UGGT1: variants seen among roughly 807,000 people sequenced by gnomAD.
The protein encoded by UGGT1 is UDP-glucose glycoprotein glucosyltransferase 1.
In UGGT1, 107 loss-of-function variants were observed where a neutral mutation model predicts 203.9. The ratio of observed to expected loss-of-function variants is 0.52; its 90% CI spans 0.45 to 0.62. The LOEUF (loss-of-function observed/expected upper bound fraction) is 0.62. Among genes scored for constraint, UGGT1 ranks in the 20% least tolerant of loss-of-function variants. UGGT1 has a pLI of 0.00. For synonymous variants in UGGT1, 628 were observed against 653.5 expected (o/e 0.96, Z 0.59); for missense variants, 1,673 against 1,867.2 (o/e 0.90, Z 1.92).
At chr2:128,112,586 CG>C (rs1255963294) in intron 5 of UGGT1, among the ~76,000 whole-genome samples, 14 of 38,118 alleles carry the variant, frequency 3.7e-4, no homozygotes, top group Admixed American at 8.3e-4. Flanking sequence ...TTATTTTATT[CG>C]TTTTTTTTTT....
At chr2:128,169,453 T>C (rs1409308982) in intron 26 of UGGT1, among the ~76,000 whole-genome samples, 17 of 152,220 alleles carry the variant, frequency 1.1e-4, no homozygotes, top group Admixed American at 1.0e-3. Flanking sequence ...AATTTATTTT[T>C]TGGCCTTGTA....
At chr2:128,122,730 T>C (rs568285789) in intron 10 of UGGT1, among the ~76,000 whole-genome samples, 1 of 152,326 alleles carries the variant, frequency 6.6e-6, no homozygotes, top group Non-Finnish European at 1.5e-5. Context: ...AGATATTTTA[T>C]AACTAAGTTT....
chr2:128,134,999 G>A (rs1689069354), intron 15 of UGGT1, 38 bp downstream of exon 15: 1 of 1,553,636 alleles, frequency 6.4e-7, no homozygotes, highest in African/African-American at 1.4e-5. Context: ...ATCTAATTTA[G>A]CTGAGGTTTT....
At chr2:128,144,350 T>C (rs1175291174) in intron 17 of UGGT1, among the ~76,000 whole-genome samples, 1 of 152,244 alleles carries the variant, frequency 6.6e-6, no homozygotes, top group Non-Finnish European at 1.5e-5. Context: ...TTTGGTCTTG[T>C]AAACTATTTC....
intron 27 of UGGT1, among the ~76,000 whole-genome samples, chr2:128,170,928 A>G (rs554413325): frequency 6.6e-6 from 1 of 152,210 alleles, no homozygotes; most frequent in African/African-American, 2.4e-5. Context: ...TGAGGCCTGT[A>G]GTTTTTCCAT....
intron 18 of UGGT1, among the ~76,000 whole-genome samples, chr2:128,150,740 T>C (rs1358875574): frequency 2.0e-5 from 3 of 150,746 alleles, no homozygotes; most frequent in African/African-American, 7.3e-5. Flanking sequence ...TCATTCCAGC[T>C]ATAGGTGGCA....
At chr2:128,163,661 G>C (rs1690641130) in intron 25 of UGGT1, among the ~76,000 whole-genome samples, 1 of 151,652 alleles carries the variant, frequency 6.6e-6, no homozygotes, top group African/African-American at 2.4e-5. Context: ...CTTGCAGTGA[G>C]CGAGATCGCG....
At chr2:128,116,466 A>C in intron 8 of UGGT1, 123 bp downstream of exon 8, 1 of 630,062 alleles carries the variant, frequency 1.6e-6, no homozygotes, top group East Asian at 2.7e-5. Flanking sequence ...ACAGTACTTT[A>C]TGTATGCAAT....
chr2:128,190,550 A>C lies in UGGT1; in HGVS notation c.*808A>C. 6.6e-6 allele frequency: 1 copy of C among 152,218 alleles called. No homozygotes were observed. Among genetic ancestry groups the C allele is most frequent in the Non-Finnish European group, 1.5e-5 (1 of 68,048 alleles). The allele number at this position is 152,218 out of a possible 1,614,324, so 9.4% of individuals were successfully genotyped here. A position where few individuals can be genotyped will look rare whatever the true frequency, so the allele number is the denominator to read the frequency against. On this transcript the variant is annotated 3_prime_UTR_variant, in exon 41 of 41. Transcript: ENST00000259253. The stretch of plus-strand genomic sequence containing the variant: ...TGAACTTTCTAGGTAATTGTTTTGA[A>C]AACAATTTTTGTATCTGTGAAAGTC...
At chr2:128,144,613 G>T (rs2105462009) in intron 17 of UGGT1, among the ~76,000 whole-genome samples, 1 of 152,328 alleles carries the variant, frequency 6.6e-6, no homozygotes, top group African/African-American at 2.4e-5. Flanking sequence ...CATGGTAAGA[G>T]TTTTAGGAGT....
chr2:128,095,937 T>C (rs1460412462), intron 1 of UGGT1, among the ~76,000 whole-genome samples: 1 of 152,150 alleles, frequency 6.6e-6, no homozygotes, highest in African/African-American at 2.4e-5. Context: ...GAGCTAACAT[T>C]CTGAAGCCCA....
At chr2:128,167,260 G>T (rs1237159662) in intron 26 of UGGT1, among the ~76,000 whole-genome samples, 1 of 151,682 alleles carries the variant, frequency 6.6e-6, no homozygotes, top group Non-Finnish European at 1.5e-5. Context: ...CTTCTCCATG[G>T]GTCTCCATGT....
intron 15 of UGGT1, among the ~76,000 whole-genome samples, 153 bp from the exon 16 acceptor site, chr2:128,138,564 A>C (rs763926055): frequency 5.3e-5 from 8 of 152,200 alleles, no homozygotes; most frequent in Non-Finnish European, 8.8e-5. Flanking sequence ...TTTGCCAATC[A>C]TGTTAGAGTA....
chr2:128,138,515 A>G (rs947815414), intron 15 of UGGT1, among the ~76,000 whole-genome samples: 5 of 103,184 alleles, frequency 4.8e-5, no homozygotes, highest in African/African-American at 1.5e-4. Context: ...AACTCTGTCT[A>G]AAAAAAAAAA....
At chr2:128,111,126 G>A (rs139643254) in intron 5 of UGGT1, among the ~76,000 whole-genome samples, 22 of 152,300 alleles carry the variant, frequency 1.4e-4, no homozygotes, top group African/African-American at 5.1e-4. Context: ...GCTGAGGCAG[G>A]AGGATCACTT....
chr2:128,151,769 G>A (rs139159594), intron 18 of UGGT1, among the ~76,000 whole-genome samples: 60 of 152,242 alleles, frequency 3.9e-4, no homozygotes, highest in African/African-American at 1.4e-3. Flanking sequence ...TATTTGGGAG[G>A]TTAAGGTAGG....
intron 10 of UGGT1, among the ~76,000 whole-genome samples, chr2:128,122,485 G>A (rs1460104675): frequency 6.6e-6 from 1 of 150,582 alleles, no homozygotes; most frequent in East Asian, 2.0e-4. Context: ...AGTGAGCCAA[G>A]ATCATGCCAT....
At position 128,109,726 on chromosome 2, in the gene UGGT1, T is replaced by C. The variant is rs569769226; in HGVS notation, c.501T>C (p.Leu167=). Residue 167 remains leucine (L), a synonymous_variant, in exon 5 of 41, where the codon CTT becomes CTC. Coordinates refer to ENST00000259253, the MANE Select transcript of UGGT1 (RefSeq NM_020120.4). ...GTGAATCTGATACCCTTGAGGCTCTTCTACTGACAGCCTCTGAAAGGTAGA... is the reference window on the plus strand; with the variant it reads ...GTGAATCTGATACCCTTGAGGCTCTCCTACTGACAGCCTCTGAAAGGTAGA... The part of the protein sequence containing the change: ...KTCESDTLEA[L]LLTASERPKP... 1.9e-6 allele frequency: 3 copies of C among 1,613,596 alleles called. No homozygotes were observed. Among genetic ancestry groups the C allele is most frequent in the Non-Finnish European group, 2.5e-6 (3 of 1,179,596 alleles).
rs937241328 is a variant in UGGT1 at position 128,160,492 on chromosome 2, T to G, written c.2595T>G (p.Phe865Leu). 1 of 1,611,462 alleles carries G rather than the reference T, an allele frequency of 6.2e-7. No homozygotes were observed. The highest frequency in any genetic ancestry group is 1.7e-5 in the Admixed American group (1 of 58,986). The change falls in exon 24 of 41, where the codon TTT becomes TTG. Residue 865 changes from phenylalanine to leucine, a missense_variant. Physicochemically the swap from Phe to Leu is conservative, Grantham distance 22. Coordinates refer to ENST00000259253, the MANE Select transcript of UGGT1 (RefSeq NM_020120.4). ...ATTTCAGTCTTTTTAAAGAGGTCTTTGAGTCTTCCAAAATGGATTTCATTT... is the reference window on the plus strand; with the variant it reads ...ATTTCAGTCTTTTTAAAGAGGTCTTGGAGTCTTCCAAAATGGATTTCATTT... Reference protein sequence around the residue: ...GMDFSLFKEVFESSKMDFILS... With the variant: ...GMDFSLFKEVLESSKMDFILS...
Sources: gnomAD v4.1 joint callset for allele counts (sites outside exome capture counted in the v4.1 genomes callset) on GRCh38, gnomAD v4.1.1 for gene constraint, MANE v1.5 for transcripts, NCBI Gene and HGNC (gene_info 2026-07-23, HGNC 2026-07-21) for gene names.